Variants in CAMKMT observed in about 807,000 individuals in gnomAD.
CAMKMT encodes calmodulin-lysine N-methyltransferase, also known as CaM KMT.
In CAMKMT, 53 loss-of-function variants were observed where a neutral mutation model predicts 48.0. That is an observed-to-expected ratio of 1.10 (90% CI 0.89 to 1.39). The LOEUF is 1.39. Among genes scored for constraint, CAMKMT ranks in the 40% most tolerant of loss-of-function variants. The pLI is 0.00. For missense variants in CAMKMT, 428 were observed against 402.7 expected (o/e 1.06, Z -0.54); for synonymous variants, 165 against 152.3 (o/e 1.08, Z -0.61).
intron 3 of CAMKMT, among the ~76,000 whole-genome samples, chr2:44,393,105 A>G (rs778777605): frequency 6.6e-6 from 1 of 152,130 alleles, no homozygotes; most frequent in Non-Finnish European, 1.5e-5. Flanking sequence ...TTTGAATATC[A>G]GGGGATGATT....
intron 3 of CAMKMT, among the ~76,000 whole-genome samples, chr2:44,538,958 CTGTGTGTGTGTGTGTGTGTGTG>C (rs57970764): frequency 5.0e-5 from 7 of 140,134 alleles, no homozygotes; most frequent in African/African-American, 1.6e-4. Flanking sequence ...GTGTGTGTGT[CTGTGTGTGTGTGTGTGTGTGTG>C]TGTGTGTGTG....
At chr2:44,733,538 G>A (rs527586611) in intron 7 of CAMKMT, among the ~76,000 whole-genome samples, 1 of 152,134 alleles carries the variant, frequency 6.6e-6, no homozygotes, top group South Asian at 2.1e-4. Flanking sequence ...GAAAGCATCG[G>A]GTCTTTCACC....
intron 3 of CAMKMT, among the ~76,000 whole-genome samples, chr2:44,435,367 T>G (rs1666168559): frequency 6.6e-6 from 1 of 152,166 alleles, no homozygotes; most frequent in Non-Finnish European, 1.5e-5. Context: ...GCATGGCACT[T>G]ACAGTCTAGA....
chr2:44,465,217 T>C (rs1201706321), intron 3 of CAMKMT, among the ~76,000 whole-genome samples: 1 of 152,208 alleles, frequency 6.6e-6, no homozygotes, highest in Non-Finnish European at 1.5e-5. Flanking sequence ...CTATGTTTTA[T>C]GTAATCCTCA....
chr2:44,524,930 G>C (rs935463125), intron 3 of CAMKMT, among the ~76,000 whole-genome samples: 1 of 150,100 alleles, frequency 6.7e-6, no homozygotes, highest in Non-Finnish European at 1.5e-5. Context: ...TTTACTTTGA[G>C]CAGTTTAAGA....
intron 6 of CAMKMT, among the ~76,000 whole-genome samples, chr2:44,714,103 A>T (rs1179900928): frequency 6.6e-6 from 1 of 152,216 alleles, no homozygotes; most frequent in Admixed American, 6.5e-5. Context: ...GAAATTGGAA[A>T]GCCAGGAAAA....
At chr2:44,749,690 G>T (rs1201306616) in intron 8 of CAMKMT, among the ~76,000 whole-genome samples, 2 of 152,170 alleles carry the variant, frequency 1.3e-5, no homozygotes, top group African/African-American at 4.8e-5. Flanking sequence ...GAAGTGACCT[G>T]CCCAAAGTCA....
chr2:44,715,699 G>A (rs1046309726), intron 7 of CAMKMT, among the ~76,000 whole-genome samples: 3 of 152,132 alleles, frequency 2.0e-5, no homozygotes, highest in African/African-American at 7.2e-5. Context: ...GAGCAGTTTT[G>A]CCCCCAAGGG....
chr2:44,374,225 T>A (rs368865021), intron 2 of CAMKMT, among the ~76,000 whole-genome samples: 17 of 152,116 alleles, frequency 1.1e-4, no homozygotes, highest in African/African-American at 4.1e-4. Flanking sequence ...GAGATTCTCA[T>A]TAGGATACCC....
chr2:44,487,538 G>C (rs1223823615), intron 3 of CAMKMT, among the ~76,000 whole-genome samples: 1 of 152,032 alleles, frequency 6.6e-6, no homozygotes, highest in Non-Finnish European at 1.5e-5. Flanking sequence ...GGATTCATAA[G>C]GACTGATGTC....
At chr2:44,625,244 T>C (rs1672413092) in intron 3 of CAMKMT, among the ~76,000 whole-genome samples, 1 of 152,208 alleles carries the variant, frequency 6.6e-6, no homozygotes, top group Non-Finnish European at 1.5e-5. Context: ...CCCCTAATGA[T>C]TGCTGATGTT....
At chr2:44,446,289 GC>G (rs1195979863) in intron 3 of CAMKMT, among the ~76,000 whole-genome samples, 1 of 151,912 alleles carries the variant, frequency 6.6e-6, no homozygotes, top group Non-Finnish European at 1.5e-5. Context: ...AGGTTCAGTT[GC>G]GTTGATTATT....
chr2:44,570,003 A>G (rs1668823646), intron 3 of CAMKMT, among the ~76,000 whole-genome samples: 1 of 152,082 alleles, frequency 6.6e-6, no homozygotes. Flanking sequence ...TTTTTTCTCT[A>G]AATACCAAAT....
Position 44,447,059 on chromosome 2 carries a change from CAA to C in CAMKMT, c.376+56755_376+56756del, listed in dbSNP as rs569778300. ...TTTTGGTACATTGGACCATTTAAGA[CAA>C]GAGTAAATAATCAATTTTAATTTAT... is the stretch of plus-strand genomic sequence containing the variant. On this transcript the variant is annotated intron_variant, in intron 3 of 10. Transcript: ENST00000378494. Among the ~76,000 whole-genome samples, 611 of 152,246 alleles carry C rather than the reference CAA, an allele frequency of 4.0e-3. 2 individuals carry two copies. The highest frequency in any genetic ancestry group is 9.7e-3 in the African/African-American group (405 of 41,546).
rs187914913 is a variant in CAMKMT, at chr2:44,628,687, C to A, written c.377-75596C>A. On this transcript the variant is annotated intron_variant, in intron 3 of 10. Transcript: ENST00000378494. ...CAAAGCTGCAAATTGACCCTGTAAG[C>A]CCTACTCTTCCAACAAATTTTGATA... 3.2e-3 allele frequency among the ~76,000 whole-genome samples: 480 copies of A among 151,992 alleles called. 1 individual carries two copies. The highest frequency in any genetic ancestry group is 0.011 in the African/African-American group (453 of 41,498).
At chr2:44,668,898 C>T (rs1253496477) in intron 3 of CAMKMT, among the ~76,000 whole-genome samples, 1 of 151,990 alleles carries the variant, frequency 6.6e-6, no homozygotes, top group African/African-American at 2.4e-5. Flanking sequence ...TCTTATGCCT[C>T]AGCCTCCCAA....
chr2:44,537,201 G>C (rs1666822888), intron 3 of CAMKMT, among the ~76,000 whole-genome samples: 4 of 152,082 alleles, frequency 2.6e-5, no homozygotes, highest in Non-Finnish European at 5.9e-5. Flanking sequence ...CACAGCAAAG[G>C]AAACAATCAA....
chr2:44,666,665 G>T (rs1674990777), intron 3 of CAMKMT, among the ~76,000 whole-genome samples: 2 of 145,830 alleles, frequency 1.4e-5, no homozygotes, highest in African/African-American at 2.6e-5. Context: ...AAGCTGGAAT[G>T]CAGTGGCACA....
At chr2:44,741,604 A>G (rs1238539308) in intron 7 of CAMKMT, among the ~76,000 whole-genome samples, 1 of 152,256 alleles carries the variant, frequency 6.6e-6, no homozygotes, top group Non-Finnish European at 1.5e-5. Flanking sequence ...AACTCTGTCC[A>G]CAATACCACT....
Sources: gnomAD v4.1 joint callset for allele counts (sites outside exome capture counted in the v4.1 genomes callset) on GRCh38, gnomAD v4.1.1 for gene constraint, MANE v1.5 for transcripts, NCBI Gene and HGNC (gene_info 2026-07-23, HGNC 2026-07-21) for gene names.